SP100: variants seen among roughly 807,000 people sequenced by gnomAD.
SP100 encodes the protein nuclear autoantigen Sp-100.
A neutral mutation model predicts 130.0 loss-of-function variants in SP100; 84 were observed. The ratio of observed to expected loss-of-function variants is 0.65; its 90% CI spans 0.54 to 0.77. The LOEUF is 0.77. Among genes scored for constraint, SP100 ranks in the 30% least tolerant of loss-of-function variants. The pLI, the probability that SP100 is intolerant of heterozygous loss-of-function variation, is 0.00. For synonymous variants in SP100, 331 were observed against 351.7 expected, an observed-to-expected ratio of 0.94 and a Z score of 0.66; for missense variants, 978 against 1,052.2, an observed-to-expected ratio of 0.93 and a Z score of 0.97.
chr2:230,498,635 C>A, intron 19 of SP100, 100 bp downstream of exon 19: 1 of 588,078 alleles, frequency 1.7e-6, no homozygotes, highest in Non-Finnish European at 2.7e-6. Context: ...GCTGTACTTA[C>A]TGTTGAGAAA....
intron 3 of SP100, among the ~76,000 whole-genome samples, chr2:230,443,862 C>G (rs948088349): frequency 6.6e-6 from 1 of 152,212 alleles, no homozygotes; most frequent in Non-Finnish European, 1.5e-5. Flanking sequence ...TCATCAATTG[C>G]CTGCTACGTC....
intron 2 of SP100, among the ~76,000 whole-genome samples, chr2:230,440,210 C>T (rs1334852868): frequency 6.6e-6 from 1 of 151,970 alleles, no homozygotes; most frequent in Non-Finnish European, 1.5e-5. Context: ...TGGAAAGAAA[C>T]AGTAAGTCAG....
Position 230,485,755 on chromosome 2 carries a change from C to G in SP100, c.1601-8661C>G, listed in dbSNP as rs139529663. ...AAATGTTGGGTTTTACTTTGTAATT[C>G]AGTCTCTCAAAATTTCTTTTTTAAA... On this transcript the variant is annotated intron_variant, in intron 17 of 28. Transcript: ENST00000340126. Among the ~76,000 whole-genome samples the G allele has an allele frequency of 3.3e-5, 5 of 152,174 alleles. No individual in the cohort carries two copies. In the East Asian group the frequency reaches 7.7e-4, roughly 24 times the overall value.
intron 17 of SP100, among the ~76,000 whole-genome samples, chr2:230,477,934 C>T (rs1226123053): frequency 2.7e-5 from 1 of 36,612 alleles, no homozygotes; most frequent in South Asian, 1.0e-3. Context: ...GACCCTGTCT[C>T]AAAACAAAAC....
intron 5 of SP100, among the ~76,000 whole-genome samples, chr2:230,448,401 A>G (rs2063807930): frequency 6.6e-6 from 1 of 152,196 alleles, no homozygotes; most frequent in Non-Finnish European, 1.5e-5. Flanking sequence ...AATATTACTT[A>G]TATGCCTATT....
chr2:230,472,149 C>T (rs2065291379), intron 15 of SP100, among the ~76,000 whole-genome samples: 1 of 151,986 alleles, frequency 6.6e-6, no homozygotes, highest in South Asian at 2.1e-4. Context: ...AAGATAAGGG[C>T]CAGGCGCAGT....
At chr2:230,502,988 G>A in intron 19 of SP100, 78 bp from the exon 20 acceptor site, 1 of 1,106,920 alleles carries the variant, frequency 9.0e-7, no homozygotes, top group Non-Finnish European at 1.3e-6. Context: ...CTGAAAAGTT[G>A]CATTTGAATG....
Position 230,450,206 on chromosome 2 carries a change from T to C in SP100, c.771T>C (p.Asn257=), listed in dbSNP as rs144507595. The C allele has an allele frequency of 1.7e-4, 269 of 1,613,980 alleles. No homozygotes were observed. In the African/African-American group the frequency reaches 3.2e-3, roughly 19 times the overall value. Residue 257 remains asparagine (N), a synonymous_variant, in exon 8 of 29, where the codon AAT becomes AAC. Transcript: ENST00000340126. ...AACAAATTGCTGTCCAAGTGAATAATGGGGATGCTGGAAGGGAGATGCCCT... is the reference window on the plus strand; with the variant it reads ...AACAAATTGCTGTCCAAGTGAATAACGGGGATGCTGGAAGGGAGATGCCCT... ...SCEQIAVQVN[N]GDAGREMPCP...
At position 230,541,284 on chromosome 2, in the gene SP100, G is replaced by A. The variant is rs771126858; in HGVS notation, c.2332-17G>A. 105 of 1,610,738 alleles carry A rather than the reference G, an allele frequency of 6.5e-5. No homozygotes were observed. Among genetic ancestry groups the A allele is most frequent in the Non-Finnish European group, 8.5e-5 (100 of 1,177,650 alleles). On this transcript the variant is annotated splice_polypyrimidine_tract_variant and intron_variant, in intron 26 of 28. Transcript: ENST00000340126. The stretch of plus-strand genomic sequence containing the variant: ...TCTAAATTGCATTTAATTTGAAATG[G>A]CCTCCATCTTTTGCAGAAATGTGAA...
intron 24 of SP100, among the ~76,000 whole-genome samples, chr2:230,536,151 T>C (rs1691929977): frequency 6.6e-6 from 1 of 152,008 alleles, no homozygotes; most frequent in Non-Finnish European, 1.5e-5. Context: ...GATTTGTCTT[T>C]AGTGGAAGTG....
chr2:230,541,219 G>A, intron 26 of SP100, 82 bp from the exon 27 acceptor site: 4 of 1,348,970 alleles, frequency 3.0e-6, no homozygotes, highest in Non-Finnish European at 4.2e-6. Flanking sequence ...AGGTTTGGGA[G>A]TCGTGTGTTC....
At chr2:230,514,294 T>C (rs1690776582) in intron 24 of SP100, among the ~76,000 whole-genome samples, 1 of 152,176 alleles carries the variant, frequency 6.6e-6, no homozygotes, top group Non-Finnish European at 1.5e-5. Context: ...GCATTAATAA[T>C]TGACTAGCAG....
In SP100 at chr2:230,503,112, TA is replaced by T; in HGVS notation, c.1765+5del. ...CTTTGAAAAGAAGAAGAAAAAGAGG[TA>T]AATAGAAGTGATCGATATGTTTTTC... On this transcript the variant is annotated splice_donor_region_variant and intron_variant, in intron 20 of 28. Transcript: ENST00000340126. The T allele has an allele frequency of 6.3e-7, 1 of 1,582,826 alleles. No individual in the cohort carries two copies. Among genetic ancestry groups the T allele is most frequent in the Non-Finnish European group, 8.7e-7 (1 of 1,156,016 alleles).
At chr2:230,526,861 G>GA (rs1252172304) in intron 24 of SP100, among the ~76,000 whole-genome samples, 1 of 151,992 alleles carries the variant, frequency 6.6e-6, no homozygotes, top group Non-Finnish European at 1.5e-5. Flanking sequence ...AAAGTGAGAA[G>GA]ACAAGACTAG....
intron 8 of SP100, among the ~76,000 whole-genome samples, chr2:230,456,840 A>G (rs1007181335): frequency 2.6e-5 from 4 of 152,042 alleles, no homozygotes; most frequent in Non-Finnish European, 5.9e-5. Flanking sequence ...TGTTTCCTAT[A>G]TTTTCTTAAG....
At chr2:230,486,156 A>G (rs1575718064) in intron 17 of SP100, among the ~76,000 whole-genome samples, 1 of 152,208 alleles carries the variant, frequency 6.6e-6, no homozygotes, top group Non-Finnish European at 1.5e-5. Context: ...GGTGAAGGGG[A>G]AGCAAGCACA....
chr2:230,420,407 G>A lies in SP100; in HGVS notation c.107+2742G>A, dbSNP rs142388456. Reference sequence around the variant, plus strand: ...TTTTTTCTTTCTCTTTTGCCTTAGCGCATTAGCCAGGACTGCCAGTGTAAT... The same window carrying A: ...TTTTTTCTTTCTCTTTTGCCTTAGCACATTAGCCAGGACTGCCAGTGTAAT... On this transcript the variant is annotated intron_variant, in intron 2 of 28. Coordinates refer to ENST00000340126, the MANE Select transcript of SP100 (RefSeq NM_001080391.2). 1.7e-3 allele frequency among the ~76,000 whole-genome samples: 259 copies of A among 151,814 alleles called. 1 individual carries two copies. Among genetic ancestry groups the A allele is most frequent in the Non-Finnish European group, 2.6e-3 (180 of 67,948 alleles).
chr2:230,442,090 C>T (rs566513955), intron 2 of SP100, among the ~76,000 whole-genome samples: 1 of 151,942 alleles, frequency 6.6e-6, no homozygotes, highest in African/African-American at 2.4e-5. Flanking sequence ...TGTTTCCTGC[C>T]TCATGTTAGA....
chr2:230,464,515 G>A (rs142787121), intron 11 of SP100, among the ~76,000 whole-genome samples: 1 of 152,260 alleles, frequency 6.6e-6, no homozygotes, highest in East Asian at 1.9e-4. Flanking sequence ...AGCATGATAA[G>A]CACAGTCTTC....
Sources: gnomAD v4.1 joint callset for allele counts (sites outside exome capture counted in the v4.1 genomes callset) on GRCh38, gnomAD v4.1.1 for gene constraint, MANE v1.5 for transcripts, NCBI Gene and HGNC (gene_info 2026-07-23, HGNC 2026-07-21) for gene names.